The following PALLD variants were observed in gnomAD, a reference collection of about 807,000 sequenced individuals.
PALLD encodes palladin, cytoskeletal associated protein.
A neutral mutation model predicts 123.5 loss-of-function variants in PALLD; 61 were observed. That is an observed-to-expected ratio of 0.49 (90% CI 0.40 to 0.61). The LOEUF (loss-of-function observed/expected upper bound fraction) is 0.61, where lower values mean the gene tolerates loss of function less well. PALLD is among the 20% of genes least tolerant of loss of function. PALLD has a pLI of 0.00. For missense variants in PALLD, 1,273 were observed against 1,377.0 expected, an observed-to-expected ratio of 0.92 and a Z score of 1.20; for synonymous variants, 465 against 496.4, an observed-to-expected ratio of 0.94 and a Z score of 0.84.
intron 10 of PALLD, among the ~76,000 whole-genome samples, chr4:168,788,349 TA>T (rs151025553): frequency 0.2 from 30,060 of 152,130 alleles, 3,002 homozygotes; most frequent in Middle Eastern, 0.23. Flanking sequence ...ATTATATATA[TA>T]TTTTTAATGT....
intron 8 of PALLD, among the ~76,000 whole-genome samples, chr4:168,703,934 T>C (rs997808362): frequency 5.9e-5 from 9 of 152,082 alleles, no homozygotes; most frequent in Admixed American, 5.2e-4. Flanking sequence ...TGTGTCAATT[T>C]TGGCTTTTGT....
At chr4:168,898,744 G>A in intron 14 of PALLD, 30 bp downstream of exon 14, 3 of 1,432,354 alleles carry the variant, frequency 2.1e-6, no homozygotes, top group Non-Finnish European at 3.0e-6. Context: ...CTTTTTAAGA[G>A]TCATTCTCTG....
intron 10 of PALLD, chr4:168,885,470 T>A (rs1403156678): frequency 6.6e-6 from 1 of 152,212 alleles, no homozygotes; most frequent in African/African-American, 2.4e-5. Context: ...TTAAACCATA[T>A]AGCCTCTATG....
At chr4:168,609,296 A>G (rs776382357) in intron 2 of PALLD, among the ~76,000 whole-genome samples, 26 of 146,792 alleles carry the variant, frequency 1.8e-4, no homozygotes, top group Non-Finnish European at 2.4e-4. Flanking sequence ...ATCCCAGGAG[A>G]CAGGAATGGA....
intron 2 of PALLD, among the ~76,000 whole-genome samples, chr4:168,531,011 T>G (rs578138476): frequency 9.2e-4 from 140 of 152,332 alleles, no homozygotes; most frequent in African/African-American, 3.1e-3. Flanking sequence ...CTGGAAGAAG[T>G]GTTTGTGCAA....
intron 9 of PALLD, among the ~76,000 whole-genome samples, chr4:168,710,306 T>A (rs1021363917): frequency 6.6e-6 from 1 of 152,202 alleles, no homozygotes; most frequent in African/African-American, 2.4e-5. Context: ...TTCTTTTTAT[T>A]TGTCTGTTTT....
chr4:168,903,761 A>T lies in PALLD; in HGVS notation c.2477A>T (p.Tyr826Phe). 2 of 1,610,342 alleles carry T rather than the reference A, an allele frequency of 1.2e-6. No individual in the cohort carries two copies. The highest frequency in any genetic ancestry group is 1.7e-6 in the Non-Finnish European group (2 of 1,176,656). ...AATCTTTGTTTCTATTCACAGATCTATTGGTTTAAAGATGGGAAGCAGATC... is the reference window on the plus strand; with the variant it reads ...AATCTTTGTTTCTATTCACAGATCTTTTGGTTTAAAGATGGGAAGCAGATC... The part of the protein sequence containing the change: ...RVAGNPKPKI[Y>F]WFKDGKQISP... The change falls in exon 15 of 22, where the codon TAT becomes TTT. Residue 826 changes from tyrosine (Y) to phenylalanine (F), a missense_variant. Physicochemically the swap from Tyr to Phe is conservative, Grantham distance 22. Coordinates refer to ENST00000505667, the MANE Select transcript of PALLD (RefSeq NM_001166108.2).
chr4:168,733,799 A>G (rs555212255), intron 10 of PALLD, among the ~76,000 whole-genome samples: 330 of 152,242 alleles, frequency 2.2e-3, no homozygotes, highest in Middle Eastern at 0.017. Flanking sequence ...AGTGGGTGCT[A>G]TCTTGGCTCA....
intron 10 of PALLD, among the ~76,000 whole-genome samples, chr4:168,719,004 T>A (rs918063955): frequency 4.7e-5 from 7 of 150,462 alleles, no homozygotes; most frequent in Admixed American, 3.3e-4. Context: ...GCCTCCTGGG[T>A]TCAAGTAATT....
chr4:168,763,669 T>C (rs780985336), intron 10 of PALLD, among the ~76,000 whole-genome samples: 51 of 152,132 alleles, frequency 3.4e-4, no homozygotes, highest in Non-Finnish European at 5.0e-4. Context: ...CTACTCTGAG[T>C]GAGTTAAGAA....
chr4:168,857,779 A>G (rs1194572909), intron 10 of PALLD, among the ~76,000 whole-genome samples: 1 of 152,262 alleles, frequency 6.6e-6, no homozygotes, highest in Non-Finnish European at 1.5e-5. Context: ...AATCAGATAC[A>G]AAAATCTTTG....
rs760354130 is a variant in PALLD, at chr4:168,711,628, G to A, written c.1669G>A (p.Asp557Asn). The change falls in exon 10 of 22, where the codon GAC (aspartate) becomes AAC (asparagine). Residue 557 changes from aspartate (D) to asparagine (N), a missense_variant. Coordinates refer to ENST00000505667, the MANE Select transcript of PALLD (RefSeq NM_001166108.2). ...SYESMGESNN[D>N]HFQHFPPPPP... ...CGAGTCAATGGGAGAATCCAACAAT[G>A]ACCACTTCCAACACTTTCCACCTCC... 6.2e-7 allele frequency: 1 copy of A among 1,614,016 alleles called. No individual in the cohort carries two copies. The highest frequency in any genetic ancestry group is 1.1e-5 in the South Asian group (1 of 91,028).
At chr4:168,580,928 T>A (rs939343489) in intron 2 of PALLD, among the ~76,000 whole-genome samples, 1 of 151,430 alleles carries the variant, frequency 6.6e-6, no homozygotes, top group Non-Finnish European at 1.5e-5. Flanking sequence ...AATGAGAACA[T>A]GTGGACAGGA....
At chr4:168,530,497 T>G (rs1028187019) in intron 2 of PALLD, 1 of 152,190 alleles carries the variant, frequency 6.6e-6, no homozygotes, top group Non-Finnish European at 1.5e-5. Context: ...TATAATTGGC[T>G]CCTCCCCTCG....
At chr4:168,808,525 A>G (rs1740574719) in intron 10 of PALLD, among the ~76,000 whole-genome samples, 1 of 152,194 alleles carries the variant, frequency 6.6e-6, no homozygotes, top group Non-Finnish European at 1.5e-5. Flanking sequence ...TTGAAAATTG[A>G]GTAGATACAT....
chr4:168,548,447 G>A (rs554490902), intron 2 of PALLD, among the ~76,000 whole-genome samples: 8 of 151,996 alleles, frequency 5.3e-5, no homozygotes, highest in African/African-American at 1.4e-4. Context: ...AAGAAAAGAA[G>A]CAATGATTTG....
intron 6 of PALLD, among the ~76,000 whole-genome samples, chr4:168,687,181 C>T (rs1414412774): frequency 1.3e-5 from 2 of 151,862 alleles, no homozygotes; most frequent in Non-Finnish European, 2.9e-5. Flanking sequence ...ATTTTTTTTC[C>T]CTTCAGCTGG....
At chr4:168,682,453 A>G (rs1781635937) in intron 4 of PALLD, among the ~76,000 whole-genome samples, 1 of 152,256 alleles carries the variant, frequency 6.6e-6, no homozygotes, top group East Asian at 1.9e-4. Context: ...CTAGAAATCA[A>G]CTCTTCTTAA....
At chr4:168,921,367 A>G (rs138959142) in intron 17 of PALLD, among the ~76,000 whole-genome samples, 167 bp from the exon 18 acceptor site, 1,490 of 131,398 alleles carry the variant, frequency 0.011, 45 homozygotes, top group African/African-American at 0.04. Context: ...AGATTGTGCC[A>G]CTGCACTCCA....
Sources: allele counts gnomAD v4.1 joint callset (sites outside exome capture counted in the v4.1 genomes callset), GRCh38; gene constraint gnomAD v4.1.1; transcripts MANE v1.5; gene names NCBI Gene and HGNC (gene_info 2026-07-23, HGNC 2026-07-21).